ADAMTSL1: variants seen among roughly 807,000 people sequenced by gnomAD.
ADAMTSL1 encodes the protein ADAMTS-like protein 1.
A neutral mutation model predicts 201.8 loss-of-function variants in ADAMTSL1; 126 were observed. That is an observed-to-expected ratio of 0.62 (90% CI 0.54 to 0.72). ADAMTSL1 has a LOEUF of 0.72. Among genes scored for constraint, ADAMTSL1 ranks in the 30% least tolerant of loss-of-function variants. The pLI, the probability that ADAMTSL1 is intolerant of heterozygous loss-of-function variation, is 0.00. For synonymous variants in ADAMTSL1, 1,121 were observed against 903.4 expected (o/e 1.24, Z -4.32); for missense variants, 2,679 against 2,277.8 (o/e 1.18, Z -3.59).
At position 18,275,628 on chromosome 9, in the gene ADAMTSL1, G is replaced by A. The variant is rs533260765; in HGVS notation, c.207+111647G>A. 3.3e-5 allele frequency among the ~76,000 whole-genome samples: 5 copies of A among 152,058 alleles called. No individual in the cohort carries two copies. In the South Asian group the frequency reaches 8.3e-4, roughly 25 times the overall value. The stretch of plus-strand genomic sequence containing the variant: ...AATCAGATAATATATAATGTATTAC[G>A]TCTAAATTGTTTCACATAGCATGTT... On this transcript the variant is annotated intron_variant, in intron 2 of 29. Coordinates refer to the ADAMTSL1 transcript ENST00000680146.
chr9:17,912,778 T>C (rs1297608717), intron 1 of ADAMTSL1, among the ~76,000 whole-genome samples: 1 of 72,720 alleles, frequency 1.4e-5, no homozygotes, highest in African/African-American at 2.9e-5. Flanking sequence ...ATGTCCTGAA[T>C]GGTAAAGCCT....
At chr9:18,476,541 A>G (rs893895250) in intron 1 of ADAMTSL1, among the ~76,000 whole-genome samples, 1 of 152,154 alleles carries the variant, frequency 6.6e-6, no homozygotes, top group African/African-American at 2.4e-5. Context: ...ATTAAATTTA[A>G]TTATTGGCTT....
intron 2 of ADAMTSL1, among the ~76,000 whole-genome samples, chr9:18,172,936 T>G (rs1827969627): frequency 6.6e-6 from 1 of 152,078 alleles, no homozygotes; most frequent in Admixed American, 6.6e-5. Context: ...AAGACAGAGG[T>G]GCGAAAAATA....
chr9:18,179,584 C>G (rs924738352), intron 2 of ADAMTSL1, among the ~76,000 whole-genome samples: 1 of 152,026 alleles, frequency 6.6e-6, no homozygotes, highest in African/African-American at 2.4e-5. Context: ...TCAGATTCAC[C>G]AAAGTTGAAA....
chr9:18,305,890 T>C (rs1019986938), intron 2 of ADAMTSL1, among the ~76,000 whole-genome samples: 1 of 152,126 alleles, frequency 6.6e-6, no homozygotes, highest in East Asian at 1.9e-4. Context: ...AGTGGGTCCC[T>C]GACCTCCATG....
chr9:18,469,927 A>G (rs937148663), upstream of ADAMTSL1, among the ~76,000 whole-genome samples: 12 of 152,220 alleles, frequency 7.9e-5, no homozygotes, highest in African/African-American at 2.9e-4. Flanking sequence ...AAGGACTGCT[A>G]ACCCATCATT....
At chr9:17,948,075 A>G (rs1041756798) in intron 1 of ADAMTSL1, among the ~76,000 whole-genome samples, 57 of 152,122 alleles carry the variant, frequency 3.7e-4, no homozygotes, top group Non-Finnish European at 7.4e-4. Context: ...CTCATCATCA[A>G]TTTTCTTTTG....
intron 25 of ADAMTSL1, chr9:18,890,432 G>T: frequency 2.2e-6 from 1 of 448,052 alleles, no homozygotes; most frequent in Non-Finnish European, 4.5e-6. Context: ...GATGGGCTTG[G>T]AGTTGGCACT....
intron 2 of ADAMTSL1, among the ~76,000 whole-genome samples, chr9:18,219,552 A>G (rs915409843): frequency 2.0e-5 from 3 of 151,922 alleles, no homozygotes; most frequent in Admixed American, 6.6e-5. Flanking sequence ...TATTTTTAGT[A>G]GAGACAGGGT....
intron 23 of ADAMTSL1, among the ~76,000 whole-genome samples, chr9:18,887,174 C>A (rs985447171): frequency 1.3e-5 from 2 of 152,252 alleles, no homozygotes; most frequent in South Asian, 4.2e-4. Context: ...TTTATCTTAC[C>A]GATTCTATGC....
chr9:18,324,387 C>T (rs1224106660), intron 2 of ADAMTSL1, among the ~76,000 whole-genome samples: 1 of 149,466 alleles, frequency 6.7e-6, no homozygotes, highest in African/African-American at 2.5e-5. Context: ...TCTTGAGTAT[C>T]ATTGTGAAAC....
chr9:18,382,914 T>C (rs1837619379), intron 2 of ADAMTSL1, among the ~76,000 whole-genome samples: 1 of 152,176 alleles, frequency 6.6e-6, no homozygotes, highest in South Asian at 2.1e-4. Flanking sequence ...ATGACAAATA[T>C]ACAGAGGGAA....
At chr9:18,072,350 T>C (rs1411472617) in intron 1 of ADAMTSL1, among the ~76,000 whole-genome samples, 2 of 152,190 alleles carry the variant, frequency 1.3e-5, no homozygotes, top group Non-Finnish European at 2.9e-5. Context: ...AATGTGAGTC[T>C]TGGAAGAGCT....
At chr9:18,078,859 T>A (rs1186675445) in intron 1 of ADAMTSL1, among the ~76,000 whole-genome samples, 1 of 152,216 alleles carries the variant, frequency 6.6e-6, no homozygotes, top group Non-Finnish European at 1.5e-5. Context: ...GTCTTCAGTA[T>A]GGCCCATCTC....
chr9:18,395,737 A>G (rs187176396), intron 2 of ADAMTSL1, among the ~76,000 whole-genome samples: 97 of 152,310 alleles, frequency 6.4e-4, no homozygotes, highest in Non-Finnish European at 1.6e-4. Context: ...GGTGATGAAA[A>G]GTGTAGTTTA....
intron 25 of ADAMTSL1, among the ~76,000 whole-genome samples, chr9:18,891,515 C>G (rs934481): frequency 1.3e-5 from 2 of 152,234 alleles, no homozygotes; most frequent in Non-Finnish European, 2.9e-5. Flanking sequence ...CGAGGATTTC[C>G]GAGTGTTCCT....
chr9:18,439,303 T>A (rs1225742354), intron 2 of ADAMTSL1, among the ~76,000 whole-genome samples: 2 of 152,226 alleles, frequency 1.3e-5, no homozygotes, highest in Non-Finnish European at 2.9e-5. Flanking sequence ...TTGTTATTCC[T>A]TACTGAGGAC....
intron 1 of ADAMTSL1, among the ~76,000 whole-genome samples, chr9:18,025,605 G>T (rs1820659844): frequency 6.6e-6 from 1 of 151,958 alleles, no homozygotes; most frequent in Non-Finnish European, 1.5e-5. Context: ...TGTTCCATTG[G>T]TCTATGTGTC....
At position 18,209,880 on chromosome 9, in the gene ADAMTSL1, T is replaced by A. The variant is rs1587317200; in HGVS notation, c.207+45899T>A. On this transcript the variant is annotated intron_variant, in intron 2 of 29. Transcript: ENST00000680146. ...AGACAGTGAAAAATCATAACTGTTC[T>A]CTGGATCTACCTGTGTCAGATTATC... 2.0e-5 allele frequency among the ~76,000 whole-genome samples: 3 copies of A among 152,228 alleles called. No individual in the cohort carries two copies. In the East Asian group the frequency reaches 5.8e-4, roughly 29 times the overall value.
Sources: gnomAD v4.1 joint callset for allele counts (sites outside exome capture counted in the v4.1 genomes callset) on GRCh38, gnomAD v4.1.1 for gene constraint, MANE v1.5 for transcripts, NCBI Gene and HGNC (gene_info 2026-07-23, HGNC 2026-07-21) for gene names.